Variants in DNAJC3 observed in about 807,000 individuals in gnomAD.
DNAJC3 encodes the protein dnaJ homolog subfamily C member 3.
In DNAJC3, 38 loss-of-function variants were observed where a neutral mutation model predicts 68.6. That is an observed-to-expected ratio of 0.55 (90% CI 0.43 to 0.73). DNAJC3 has a LOEUF of 0.73. Among genes scored for constraint, DNAJC3 ranks in the 30% least tolerant of loss-of-function variants. DNAJC3 has a pLI of 0.00. For synonymous variants in DNAJC3, 203 were observed against 204.0 expected (o/e 1.00, Z 0.04); for missense variants, 526 against 591.9 (o/e 0.89, Z 1.16).
intron 7 of DNAJC3, among the ~76,000 whole-genome samples, chr13:95,762,092 GTC>G (rs1457846908): frequency 2.6e-5 from 4 of 152,084 alleles, no homozygotes; most frequent in Non-Finnish European, 5.9e-5. Flanking sequence ...GAGAAACCCT[GTC>G]TCTACTAAAA....
intron 7 of DNAJC3, among the ~76,000 whole-genome samples, chr13:95,761,038 A>C (rs1290266599): frequency 6.6e-6 from 1 of 152,240 alleles, no homozygotes; most frequent in Non-Finnish European, 1.5e-5. Context: ...AATATTTATT[A>C]TCTCCTATAT....
Position 95,709,274 on chromosome 13 carries a change from G to C in DNAJC3, c.130G>C (p.Gly44Arg). ...AGATGTTGAGAAACATCTTGAATTG[G>C]GCAAGAAATTACTTGCAGCTGGACA... ...NADVEKHLEL[G>R]KKLLAAGQLA... The change falls in exon 2 of 12, where the codon GGC (glycine) becomes CGC (arginine). Residue 44 changes from glycine (G) to arginine (R), a missense_variant. Physicochemically the swap from Gly to Arg is moderately radical, Grantham distance 125. Transcript: ENST00000602402. The C allele has an allele frequency of 6.3e-7, 1 of 1,587,552 alleles. No individual in the cohort carries two copies. The highest frequency in any genetic ancestry group is 8.6e-7 in the Non-Finnish European group (1 of 1,167,840).
intron 9 of DNAJC3, among the ~76,000 whole-genome samples, chr13:95,776,615 G>A (rs1161259707): frequency 1.3e-5 from 2 of 152,094 alleles, no homozygotes; most frequent in Non-Finnish European, 2.9e-5. Flanking sequence ...TTTTGTATAC[G>A]CTCCTGATAT....
chr13:95,691,881 C>T (rs1266927563), intron 1 of DNAJC3, among the ~76,000 whole-genome samples: 5 of 152,216 alleles, frequency 3.3e-5, no homozygotes, highest in South Asian at 2.1e-4. Flanking sequence ...AGTGAAACGC[C>T]GTCTCCACCA....
chr13:95,770,954 ATTAT>A (rs1425711846), intron 9 of DNAJC3, among the ~76,000 whole-genome samples: 6 of 152,284 alleles, frequency 3.9e-5, no homozygotes, highest in African/African-American at 1.4e-4. Context: ...CCAACATTTT[ATTAT>A]GAGAAATTTC....
intron 9 of DNAJC3, among the ~76,000 whole-genome samples, chr13:95,764,660 A>G (rs867124559): frequency 2.5e-5 from 3 of 119,436 alleles, no homozygotes; most frequent in South Asian, 2.7e-4. Flanking sequence ...ATATATATAT[A>G]TATATATATA....
intron 9 of DNAJC3, among the ~76,000 whole-genome samples, chr13:95,783,792 G>A (rs1484492102): frequency 1.3e-5 from 2 of 152,114 alleles, no homozygotes; most frequent in East Asian, 1.9e-4. Flanking sequence ...CTTGTCACAC[G>A]GCCACGAAAA....
chr13:95,719,573 G>A (rs1238401426), intron 2 of DNAJC3, among the ~76,000 whole-genome samples: 3 of 152,120 alleles, frequency 2.0e-5, no homozygotes, highest in African/African-American at 4.8e-5. Context: ...CAGCCGTTTC[G>A]TTAGTATACA....
chr13:95,779,305 T>A (rs1489153010), intron 9 of DNAJC3, among the ~76,000 whole-genome samples: 2 of 151,966 alleles, frequency 1.3e-5, no homozygotes, highest in African/African-American at 4.8e-5. Context: ...TTCTATTTTT[T>A]AGTAGAGACG....
chr13:95,705,335 T>A (rs1035615139), intron 1 of DNAJC3, among the ~76,000 whole-genome samples: 1 of 152,128 alleles, frequency 6.6e-6, no homozygotes, highest in Admixed American at 6.5e-5. Context: ...TAGTCTCTCA[T>A]GGTTCAGTGC....
chr13:95,714,380 GTCTGTCTCCTTC>G (rs1218894007), intron 2 of DNAJC3, among the ~76,000 whole-genome samples: 1 of 144,960 alleles, frequency 6.9e-6, no homozygotes. Context: ...GTGAGACTCT[GTCTGTCTCCTTC>G]TCTGTCTTGC....
chr13:95,744,733 C>T (rs977331915), intron 4 of DNAJC3: 1 of 152,120 alleles, frequency 6.6e-6, no homozygotes, highest in East Asian at 1.9e-4. Flanking sequence ...TTTAAGCATT[C>T]GGAACCTTGA....
chr13:95,785,124 C>T (rs1275647021), intron 9 of DNAJC3, among the ~76,000 whole-genome samples: 1 of 152,018 alleles, frequency 6.6e-6, no homozygotes, highest in African/African-American at 2.4e-5. Context: ...CCTTCTGTTC[C>T]CTTTCTTTCT....
intron 4 of DNAJC3, among the ~76,000 whole-genome samples, chr13:95,757,266 C>T (rs1056710577): frequency 6.6e-6 from 1 of 152,042 alleles, no homozygotes; most frequent in Non-Finnish European, 1.5e-5. Flanking sequence ...TACTTAGGAA[C>T]TATAAGTAGA....
chr13:95,708,402 A>G (rs1437397723), intron 1 of DNAJC3, among the ~76,000 whole-genome samples: 1 of 152,208 alleles, frequency 6.6e-6, no homozygotes, highest in African/African-American at 2.4e-5. Context: ...TCAAAGCTGT[A>G]GACAGGTCCT....
chr13:95,738,616 GTCTGTTTTA>G (rs1225182817), intron 4 of DNAJC3, among the ~76,000 whole-genome samples: 3 of 152,096 alleles, frequency 2.0e-5, no homozygotes, highest in African/African-American at 7.2e-5. Context: ...TTGGTTTAAA[GTCTGTTTTA>G]TCAGAGACAA....
intron 1 of DNAJC3, among the ~76,000 whole-genome samples, chr13:95,692,073 A>AGAGAGG (rs1491099432): frequency 4.0e-5 from 6 of 151,666 alleles, no homozygotes; most frequent in African/African-American, 1.2e-4. Flanking sequence ...GACCGTGGAA[A>AGAGAGG]GAGAGGGAGA....
chr13:95,722,303 A>G (rs990198853), intron 2 of DNAJC3, among the ~76,000 whole-genome samples: 3 of 151,852 alleles, frequency 2.0e-5, no homozygotes, highest in Non-Finnish European at 4.4e-5. Context: ...TTATTTCTTC[A>G]CCTCCATTCT....
At chr13:95,716,772 C>T (rs1019467191) in intron 2 of DNAJC3, among the ~76,000 whole-genome samples, 2 of 152,182 alleles carry the variant, frequency 1.3e-5, no homozygotes, top group African/African-American at 4.8e-5. Context: ...TCTTCTTCTC[C>T]TCTAGACATC....
Sources: allele counts gnomAD v4.1 joint callset (sites outside exome capture counted in the v4.1 genomes callset), GRCh38; gene constraint gnomAD v4.1.1; transcripts MANE v1.5; gene names NCBI Gene and HGNC (gene_info 2026-07-23, HGNC 2026-07-21).